The following FAAH2 variants were observed in gnomAD, a reference collection of about 807,000 sequenced individuals.
The protein encoded by FAAH2 is fatty acid amide hydrolase 2, also known as fatty-acid amide hydrolase 2.
A neutral mutation model predicts 36.9 loss-of-function variants in FAAH2; 60 were observed. The observed-to-expected ratio is 1.63, with a 90% CI of 1.32 to 2.02. The LOEUF is 2.02. Among genes scored for constraint, FAAH2 ranks in the 30% most tolerant of loss-of-function variants. The probability of loss-of-function intolerance (pLI) is 0.00; values close to 1 mark genes in which losing one functional copy is unlikely to be tolerated. For missense variants in FAAH2, 689 were observed against 397.5 expected, an observed-to-expected ratio of 1.73 and a Z score of -6.23; for synonymous variants, 214 against 143.8, an observed-to-expected ratio of 1.49 and a Z score of -3.49.
intron 10 of FAAH2, among the ~76,000 whole-genome samples, chrX:57,465,535 T>C (rs985211234): frequency 1.8e-5 from 2 of 111,866 alleles, no homozygotes; most frequent in African/African-American, 6.5e-5. Context: ...AGTGAGATGA[T>C]ATTTTTAAAA....
chrX:57,367,132 A>C (rs1263320631), intron 5 of FAAH2, among the ~76,000 whole-genome samples: 1 of 112,815 alleles, frequency 8.9e-6, no homozygotes, highest in Non-Finnish European at 1.9e-5. Context: ...TTAAACATTG[A>C]AATATATCAT....
chrX:57,382,143 A>T (rs1175991796), intron 7 of FAAH2, among the ~76,000 whole-genome samples: 3 of 111,857 alleles, frequency 2.7e-5, no homozygotes, highest in African/African-American at 9.8e-5. Flanking sequence ...CAAAGACACA[A>T]CATACCAGAA....
the FAAH2 span, among the ~76,000 whole-genome samples, chrX:57,214,158 G>C: frequency 8.9e-6 from 1 of 111,900 alleles, no homozygotes; most frequent in African/African-American, 3.2e-5. Flanking sequence ...GCATGAAATA[G>C]ATTTTTCCAC....
At chrX:57,235,325 C>T in the FAAH2 span, among the ~76,000 whole-genome samples, 1 of 111,359 alleles carries the variant, frequency 9.0e-6, no homozygotes, top group Admixed American at 9.5e-5. Context: ...ATAGTCTAAC[C>T]TTTAGGTGTT....
intron 7 of FAAH2, among the ~76,000 whole-genome samples, chrX:57,383,552 A>C (rs1430671852): frequency 1.8e-5 from 2 of 111,876 alleles, no homozygotes; most frequent in African/African-American, 6.5e-5. Context: ...GAACCAAATC[A>C]TGAGTGAACT....
chrX:57,415,202 C>T (rs768179240), intron 7 of FAAH2, among the ~76,000 whole-genome samples: 10 of 108,273 alleles, frequency 9.2e-5, no homozygotes, highest in African/African-American at 2.7e-4. Context: ...GTTGATTTTT[C>T]GACGAGTTTT....
rs149082758 is a variant in FAAH2, at chrX:57,296,204, G to T, written c.275+3624G>T. 4.2e-3 allele frequency among the ~76,000 whole-genome samples: 465 copies of T among 111,939 alleles called. 3 individuals carry two copies. The highest frequency in any genetic ancestry group is 0.014 in the African/African-American group (445 of 30,807). ...TACCCTAACTGGGAGGCACCCCTCA[G>T]TAGGGCCAGACTGACACCTCACATT... On this transcript the variant is annotated intron_variant, in intron 2 of 10. Coordinates refer to ENST00000374900, the MANE Select transcript of FAAH2 (RefSeq NM_174912.4).
At chrX:57,394,083 G>T in intron 7 of FAAH2, 1 of 722,592 alleles carries the variant, frequency 1.4e-6, no homozygotes, top group Non-Finnish European at 2.2e-6. Context: ...GCAGCAACAA[G>T]GTTATTAGAT....
chrX:57,244,959 A>T, the FAAH2 span, among the ~76,000 whole-genome samples: 2 of 111,583 alleles, frequency 1.8e-5, no homozygotes, highest in African/African-American at 6.5e-5. Context: ...GTCAAAACCC[A>T]TTGGTGTGCT....
the FAAH2 span, among the ~76,000 whole-genome samples, chrX:57,253,234 C>CA: frequency 7.1e-3 from 708 of 100,098 alleles, 4 homozygotes; most frequent in Admixed American, 0.019. Context: ...TGAAAAGAAA[C>CA]AAAAAAAAAA....
At chrX:57,375,790 T>C (rs1232942318) in intron 5 of FAAH2, among the ~76,000 whole-genome samples, 1 of 112,014 alleles carries the variant, frequency 8.9e-6, no homozygotes, top group Admixed American at 9.5e-5. Flanking sequence ...TTGATTGTCC[T>C]ATTTAAGAAA....
At chrX:57,385,923 G>A (rs72621730) in intron 7 of FAAH2, among the ~76,000 whole-genome samples, 57,743 of 104,354 alleles carry the variant, frequency 0.55, 14,345 homozygotes, top group Non-Finnish European at 0.75. Context: ...AAAAAAAATA[G>A]CATAAGTGGA....
intron 5 of FAAH2, among the ~76,000 whole-genome samples, chrX:57,372,805 G>T (rs1224393403): frequency 1.8e-5 from 2 of 110,136 alleles, no homozygotes; most frequent in Admixed American, 2.0e-4. Context: ...TGATTTCTGA[G>T]ATTTTGGTGC....
chrX:57,412,783 C>G (rs776384458), intron 7 of FAAH2, among the ~76,000 whole-genome samples: 7 of 111,455 alleles, frequency 6.3e-5, no homozygotes, highest in Non-Finnish European at 1.1e-4. Context: ...GTTCTAGATC[C>G]TCGAGGAATC....
intron 7 of FAAH2, among the ~76,000 whole-genome samples, chrX:57,386,077 T>G (rs1488281562): frequency 8.9e-6 from 1 of 111,776 alleles, no homozygotes; most frequent in Admixed American, 9.5e-5. Flanking sequence ...AAAAGAAAAG[T>G]GAGATCTTCA....
the FAAH2 span, among the ~76,000 whole-genome samples, chrX:57,266,631 C>T: frequency 8.9e-6 from 1 of 112,537 alleles, no homozygotes; most frequent in Admixed American, 9.4e-5. Context: ...GAGAGTAGGC[C>T]TGTCTATCCC....
chrX:57,258,404 C>A, the FAAH2 span, among the ~76,000 whole-genome samples: 1 of 110,690 alleles, frequency 9.0e-6, no homozygotes, highest in Non-Finnish European at 1.9e-5. Flanking sequence ...TTTAAGCTAA[C>A]CCCCAAAGCA....
At chrX:57,433,454 T>C (rs2056346410) in intron 8 of FAAH2, among the ~76,000 whole-genome samples, 1 of 112,069 alleles carries the variant, frequency 8.9e-6, no homozygotes, top group Non-Finnish European at 1.9e-5. Context: ...GTAGCTCTTT[T>C]TTAATTACAA....
chrX:57,454,065 C>A (rs1422915430), intron 10 of FAAH2, among the ~76,000 whole-genome samples: 1 of 111,355 alleles, frequency 9.0e-6, no homozygotes, highest in Admixed American at 9.5e-5. Flanking sequence ...CGAGTCACCT[C>A]TCTCCCCCAC....
Sources: gnomAD v4.1 joint callset for allele counts (sites outside exome capture counted in the v4.1 genomes callset) on GRCh38, gnomAD v4.1.1 for gene constraint, MANE v1.5 for transcripts, NCBI Gene and HGNC (gene_info 2026-07-23, HGNC 2026-07-21) for gene names.